CCDC91: variants seen among roughly 807,000 people sequenced by gnomAD.
CCDC91 encodes the protein coiled-coil domain-containing protein 91.
A neutral mutation model predicts 63.2 loss-of-function variants in CCDC91; 48 were observed. The ratio of observed to expected loss-of-function variants is 0.76; its 90% confidence interval spans 0.60 to 0.97. The LOEUF is 0.97. Among genes scored for constraint, CCDC91 ranks in the 50% least tolerant of loss-of-function variants. The pLI is 0.00. For synonymous variants in CCDC91, 167 were observed against 165.8 expected, an observed-to-expected ratio of 1.01 and a Z score of -0.06; for missense variants, 500 against 494.6, an observed-to-expected ratio of 1.01 and a Z score of -0.10.
chr12:28,541,518 T>C (rs1297220242), intron 12 of CCDC91, among the ~76,000 whole-genome samples: 1 of 152,142 alleles, frequency 6.6e-6, no homozygotes, highest in Admixed American at 6.6e-5. Flanking sequence ...AATTGACAGA[T>C]ATTGTTCTTT....
intron 12 of CCDC91, among the ~76,000 whole-genome samples, chr12:28,509,812 AT>A (rs1308491114): frequency 6.6e-6 from 1 of 151,998 alleles, no homozygotes; most frequent in African/African-American, 2.4e-5. Context: ...ACAAGTGGGT[AT>A]TAATATAGTA....
chr12:28,286,736 G>A lies in CCDC91; in HGVS notation c.110-18913G>A, dbSNP rs186588923. 2.6e-5 allele frequency among the ~76,000 whole-genome samples: 4 copies of A among 152,196 alleles called. No homozygotes were observed. The East Asian group carries it at 7.7e-4, about 29-fold the overall frequency. ...TTTGGGTATATTCCCAGTAATGGGG[G>A]GACTATTGGGTCATATAGTAGTTTG... On this transcript the variant is annotated intron_variant, in intron 3 of 12. Transcript: ENST00000536442.
At chr12:28,286,498 A>G (rs1948923945) in intron 3 of CCDC91, among the ~76,000 whole-genome samples, 1 of 152,178 alleles carries the variant, frequency 6.6e-6, no homozygotes. Context: ...TAAGGGTAAT[A>G]ATGGATTTTA....
chr12:28,310,208 C>T (rs1161798500), intron 6 of CCDC91, among the ~76,000 whole-genome samples: 1 of 152,036 alleles, frequency 6.6e-6, no homozygotes, highest in East Asian at 1.9e-4. Context: ...TTTGTCTCCA[C>T]TGAATGACTT....
intron 11 of CCDC91, among the ~76,000 whole-genome samples, chr12:28,471,259 CAAT>C (rs1950799320): frequency 6.6e-6 from 1 of 152,272 alleles, no homozygotes; most frequent in African/African-American, 2.4e-5. Flanking sequence ...TTAGGCTTCT[CAAT>C]AACCTATGAA....
intron 11 of CCDC91, among the ~76,000 whole-genome samples, chr12:28,478,365 G>A (rs1951238431): frequency 2.0e-5 from 3 of 152,144 alleles, no homozygotes; most frequent in Admixed American, 2.0e-4. Context: ...ATGGGGAAAG[G>A]ATTCCCAGTT....
At chr12:28,305,121 C>T (rs1200065147) in intron 3 of CCDC91, among the ~76,000 whole-genome samples, 1 of 152,042 alleles carries the variant, frequency 6.6e-6, no homozygotes, top group Admixed American at 6.6e-5. Context: ...ATTGTTCTTT[C>T]CCCTTACTTA....
intron 8 of CCDC91, among the ~76,000 whole-genome samples, chr12:28,419,459 CAAG>C (rs1156912257): frequency 7.9e-5 from 12 of 152,070 alleles, no homozygotes; most frequent in Non-Finnish European, 1.6e-4. Context: ...AAAAATGACA[CAAG>C]AAAAATATAA....
At chr12:28,426,284 G>C (rs73085933) in intron 8 of CCDC91, among the ~76,000 whole-genome samples, 1,655 of 152,136 alleles carry the variant, frequency 0.011, 7 homozygotes, top group Middle Eastern at 0.017. Flanking sequence ...ATATACTTTA[G>C]GTGTACATTA....
chr12:28,453,638 A>G (rs1040866828), intron 11 of CCDC91, among the ~76,000 whole-genome samples: 1 of 143,760 alleles, frequency 7.0e-6, no homozygotes, highest in African/African-American at 2.4e-5. Flanking sequence ...GTACAGTAGC[A>G]GATCTTTTTT....
At chr12:28,444,265 T>C (rs1949382222) in intron 8 of CCDC91, among the ~76,000 whole-genome samples, 1 of 152,210 alleles carries the variant, frequency 6.6e-6, no homozygotes, top group Non-Finnish European at 1.5e-5. Context: ...TTTTAAATGC[T>C]GAAATTTGTC....
intron 11 of CCDC91, among the ~76,000 whole-genome samples, chr12:28,480,664 T>C (rs1037624313): frequency 6.6e-5 from 10 of 152,158 alleles, no homozygotes; most frequent in African/African-American, 2.4e-4. Context: ...TTTAGAGTAA[T>C]ACATAATTAG....
At chr12:28,475,131 T>G (rs1389946834) in intron 11 of CCDC91, among the ~76,000 whole-genome samples, 1 of 152,136 alleles carries the variant, frequency 6.6e-6, no homozygotes, top group Admixed American at 6.6e-5. Context: ...TAAACAAATT[T>G]TAAGGAATTA....
intron 7 of CCDC91, among the ~76,000 whole-genome samples, chr12:28,391,044 G>A (rs1945907178): frequency 6.8e-6 from 1 of 146,152 alleles, no homozygotes; most frequent in Non-Finnish European, 1.5e-5. Context: ...ATCATCTTCT[G>A]TGACTTGGCC....
At chr12:28,276,764 G>A (rs184761831) in intron 3 of CCDC91, among the ~76,000 whole-genome samples, 1 of 151,852 alleles carries the variant, frequency 6.6e-6, no homozygotes, top group East Asian at 1.9e-4. Flanking sequence ...TTATTGTTTT[G>A]CCCATTGTGA....
Position 28,509,168 on chromosome 12 carries a change from G to T in CCDC91, c.1215+25003G>T, listed in dbSNP as rs145298127. Among the ~76,000 whole-genome samples, 4 of 152,004 alleles carry T rather than the reference G, an allele frequency of 2.6e-5. No individual in the cohort carries two copies. In the South Asian group the frequency reaches 8.3e-4, roughly 32 times the overall value. On this transcript the variant is annotated intron_variant, in intron 12 of 12. Coordinates refer to ENST00000536442, the MANE Select transcript of CCDC91 (RefSeq NM_018318.5). ...TAGTCTTTCTGGGGTGCTAAATCCT[G>T]TGAGAGAATGTTCCCATATCAATAA...
chr12:28,496,954 A>G (rs1180734651), intron 12 of CCDC91, among the ~76,000 whole-genome samples: 2 of 147,256 alleles, frequency 1.4e-5, no homozygotes, highest in African/African-American at 4.9e-5. Flanking sequence ...ATATATATAT[A>G]TATATATGTA....
At chr12:28,440,982 C>T (rs1299974349) in intron 8 of CCDC91, among the ~76,000 whole-genome samples, 1 of 127,982 alleles carries the variant, frequency 7.8e-6, no homozygotes, top group Non-Finnish European at 1.6e-5. Flanking sequence ...AATTTGAATC[C>T]GGGAGGTGGA....
At chr12:28,441,749 CAT>C (rs902653052) in intron 8 of CCDC91, among the ~76,000 whole-genome samples, 21 of 148,830 alleles carry the variant, frequency 1.4e-4, no homozygotes, top group Non-Finnish European at 2.4e-4. Context: ...ATATATATCT[CAT>C]ATATATATGT....
Sources: gnomAD v4.1 joint callset for allele counts (sites outside exome capture counted in the v4.1 genomes callset) on GRCh38, gnomAD v4.1.1 for gene constraint, MANE v1.5 for transcripts, NCBI Gene and HGNC (gene_info 2026-07-23, HGNC 2026-07-21) for gene names.